The following SRRM4 variants were observed in gnomAD, a reference collection of about 807,000 sequenced individuals.
SRRM4 encodes the protein serine/arginine repetitive matrix 4.
SRRM4 carries 33 observed loss-of-function variants against 68.9 expected under a neutral mutation model. The observed-to-expected ratio is 0.48, with a 90% confidence interval of 0.36 to 0.64. The LOEUF (loss-of-function observed/expected upper bound fraction) is 0.64, where lower values mean the gene tolerates loss of function less well. SRRM4 is among the 30% of genes least tolerant of loss of function. SRRM4 has a pLI of 0.00. For synonymous variants in SRRM4, 318 were observed against 318.8 expected, an observed-to-expected ratio of 1.00 and a Z score of 0.03; for missense variants, 817 against 827.1, an observed-to-expected ratio of 0.99 and a Z score of 0.15.
chr12:119,014,183 G>A lies in SRRM4; in HGVS notation c.131+32170G>A, dbSNP rs145734595. On this transcript the variant is annotated intron_variant, in intron 1 of 12. Coordinates refer to ENST00000267260, the MANE Select transcript of SRRM4 (RefSeq NM_194286.4). ...GATTACCTTTTCATGTCTTTCATCC[G>A]TTTAATAGAATTTGATTATTCTTTT... Among the ~76,000 whole-genome samples, 251 of 152,014 alleles carry A rather than the reference G, an allele frequency of 1.7e-3. 1 individual carries two copies. Among genetic ancestry groups the A allele is most frequent in the Admixed American group, 5.4e-3 (82 of 15,268 alleles).
At chr12:119,079,988 T>A (rs1193081388) in intron 1 of SRRM4, among the ~76,000 whole-genome samples, 2 of 152,178 alleles carry the variant, frequency 1.3e-5, no homozygotes, top group Non-Finnish European at 2.9e-5. Context: ...ATTTTCTCCT[T>A]GATTTAATCA....
intron 3 of SRRM4, among the ~76,000 whole-genome samples, chr12:119,114,596 A>T (rs1954165698): frequency 6.6e-6 from 1 of 151,858 alleles, no homozygotes; most frequent in Non-Finnish European, 1.5e-5. Context: ...ATGAAAAATT[A>T]ATGTGGAAGC....
At chr12:119,031,259 A>G (rs567537482) in intron 1 of SRRM4, 1 of 152,322 alleles carries the variant, frequency 6.6e-6, no homozygotes, top group Admixed American at 6.5e-5. Context: ...GACCTCCCCC[A>G]GTTCCTTGCC....
At position 118,983,123 on chromosome 12, in the gene SRRM4, G is replaced by A. The variant is rs548328484; in HGVS notation, c.131+1110G>A. On this transcript the variant is annotated intron_variant, in intron 1 of 12. Coordinates refer to ENST00000267260, the MANE Select transcript of SRRM4 (RefSeq NM_194286.4). ...CAAAAGTGCTTAGGACAGACTGAAC[G>A]TCTGTTCTGGCACAACTGATTCTGA... Among the ~76,000 whole-genome samples the A allele has an allele frequency of 4.6e-5, 7 of 152,324 alleles. No individual in the cohort carries two copies. In the East Asian group the frequency reaches 9.6e-4, roughly 21 times the overall value.
intron 6 of SRRM4, among the ~76,000 whole-genome samples, chr12:119,123,800 A>G (rs1954238980): frequency 6.6e-6 from 1 of 152,184 alleles, no homozygotes; most frequent in Non-Finnish European, 1.5e-5. Flanking sequence ...AGGCCCTACT[A>G]TGTGACTGGC....
chr12:119,009,298 TTAAAG>T (rs1393850334), intron 1 of SRRM4, among the ~76,000 whole-genome samples: 2 of 151,714 alleles, frequency 1.3e-5, no homozygotes, highest in Admixed American at 6.6e-5. Flanking sequence ...AGAAAGACAA[TTAAAG>T]TAGAGAATCC....
intron 1 of SRRM4, among the ~76,000 whole-genome samples, chr12:119,003,074 G>T (rs1303352540): frequency 6.6e-6 from 1 of 151,752 alleles, no homozygotes; most frequent in East Asian, 2.0e-4. Context: ...ATCAAGCAGG[G>T]GTTTGAATCC....
intron 12 of SRRM4, 100 bp from the exon 13 acceptor site, chr12:119,156,395 G>A (rs36005387): frequency 0.075 from 108,509 of 1,454,406 alleles, 5,619 homozygotes; most frequent in African/African-American, 0.2. Context: ...AGGGACTGGG[G>A]AAAGGGAGGA....
rs767156598 is a variant in SRRM4 at position 119,151,109 on chromosome 12, C to T, written c.1169C>T (p.Ser390Phe). The T allele has an allele frequency of 4.3e-6, 7 of 1,613,856 alleles. No homozygotes were observed. The Admixed American group carries it at 8.3e-5, about 19-fold the overall frequency. Residue 390 changes from serine (S) to phenylalanine (F), a missense_variant, in exon 10 of 13, where the codon TCC becomes TTC. Transcript: ENST00000267260. Reference sequence around the variant, plus strand: ...CGGAGCTCACCCATGAAAGGGTGTTCCCGCAGCTCCTCCTATGCCAGCACC... The same window carrying T: ...CGGAGCTCACCCATGAAAGGGTGTTTCCGCAGCTCCTCCTATGCCAGCACC... Reference protein sequence around the residue: ...TARSSPMKGCSRSSSYASTRS... With the variant: ...TARSSPMKGCFRSSSYASTRS...
chr12:118,984,626 T>C (rs1953271166), intron 1 of SRRM4, among the ~76,000 whole-genome samples: 1 of 152,210 alleles, frequency 6.6e-6, no homozygotes, highest in African/African-American at 2.4e-5. Flanking sequence ...GATAGAAACA[T>C]ATATTCAATT....
chr12:119,012,161 G>A (rs11609314), intron 1 of SRRM4, among the ~76,000 whole-genome samples: 1,707 of 152,210 alleles, frequency 0.011, 26 homozygotes, highest in African/African-American at 0.04. Flanking sequence ...TGGGATCATC[G>A]TCTGGGAATT....
chr12:119,029,200 C>T (rs911830597), intron 1 of SRRM4, among the ~76,000 whole-genome samples: 5 of 152,210 alleles, frequency 3.3e-5, no homozygotes, highest in Admixed American at 6.5e-5. Flanking sequence ...CCAGAACCTG[C>T]TCCCTTATTC....
At chr12:119,050,426 G>A (rs1373088682) in intron 1 of SRRM4, among the ~76,000 whole-genome samples, 1 of 152,200 alleles carries the variant, frequency 6.6e-6, no homozygotes, top group Non-Finnish European at 1.5e-5. Flanking sequence ...GCTCAGCATA[G>A]CTAATCGCAT....
intron 1 of SRRM4, among the ~76,000 whole-genome samples, chr12:119,062,690 T>C (rs1953822022): frequency 6.6e-6 from 1 of 152,234 alleles, no homozygotes; most frequent in South Asian, 2.1e-4. Flanking sequence ...AAGGTCAGGA[T>C]ACCAAGATAT....
intron 1 of SRRM4, among the ~76,000 whole-genome samples, chr12:119,003,277 C>T (rs1030441166): frequency 1.3e-5 from 2 of 151,692 alleles, no homozygotes; most frequent in African/African-American, 4.8e-5. Flanking sequence ...CCCCATCCCC[C>T]GCCACCAGCG....
At chr12:119,018,719 C>A (rs539881565) in intron 1 of SRRM4, among the ~76,000 whole-genome samples, 16 of 152,008 alleles carry the variant, frequency 1.1e-4, no homozygotes, top group African/African-American at 3.9e-4. Flanking sequence ...GGTGGCCACT[C>A]GTATTTAGAA....
chr12:119,129,232 C>T (rs1372866435), intron 7 of SRRM4, among the ~76,000 whole-genome samples: 1 of 151,814 alleles, frequency 6.6e-6, no homozygotes, highest in Non-Finnish European at 1.5e-5. Context: ...GAAACTGCTT[C>T]GAGAGGTGTA....
chr12:119,080,789 T>A (rs555554696), intron 1 of SRRM4, among the ~76,000 whole-genome samples: 65 of 152,322 alleles, frequency 4.3e-4, no homozygotes, highest in African/African-American at 1.5e-3. Flanking sequence ...CAACAAAGGC[T>A]GTGAAGTGCC....
chr12:119,047,026 C>T (rs1205255684), intron 1 of SRRM4, among the ~76,000 whole-genome samples: 5 of 88,198 alleles, frequency 5.7e-5, no homozygotes, highest in South Asian at 3.8e-4. Flanking sequence ...AGTGAGATCC[C>T]GTCTAAAAAA....
Sources: gnomAD v4.1 joint callset for allele counts (sites outside exome capture counted in the v4.1 genomes callset) on GRCh38, gnomAD v4.1.1 for gene constraint, MANE v1.5 for transcripts, NCBI Gene and HGNC (gene_info 2026-07-23, HGNC 2026-07-21) for gene names.